ELFN2: variants seen among roughly 807,000 people sequenced by gnomAD.
ELFN2 encodes the protein extracellular leucine rich repeat and fibronectin type III domain containing 2, also known as protein phosphatase 1 regulatory subunit 29.
In ELFN2, 17 loss-of-function variants were observed where a neutral mutation model predicts 45.5. The observed-to-expected ratio is 0.37, with a 90% CI of 0.26 to 0.56. ELFN2 has a LOEUF of 0.56. Ranked by LOEUF, ELFN2 falls within the 20% of genes least tolerant of loss-of-function variation. The pLI is 0.77. For missense variants in ELFN2, 922 were observed against 1,183.2 expected (o/e 0.78, Z 3.24); for synonymous variants, 550 against 551.5 (o/e 1.00, Z 0.04).
At chr22:37,359,851 C>G (rs569938283) in intron 1 of ELFN2, among the ~76,000 whole-genome samples, 1 of 152,320 alleles carries the variant, frequency 6.6e-6, no homozygotes, top group East Asian at 1.9e-4. Flanking sequence ...TGTGATTGCC[C>G]CTGCAGAGCA....
chr22:37,358,607 G>A (rs1432902157), intron 1 of ELFN2, among the ~76,000 whole-genome samples: 1 of 152,194 alleles, frequency 6.6e-6, no homozygotes, highest in Non-Finnish European at 1.5e-5. Flanking sequence ...TGGGTCCCGT[G>A]GCCATTCCTA....
In ELFN2 at chr22:37,384,982, C is replaced by T. The variant is rs1394125803; in HGVS notation, c.-462-8986G>A. Reference sequence around the variant, plus strand: ...TGTACCAGGCGCCGGCTAGGCCCGCCCTCCTGGCTCTGCCTCCTCCACCTG... The same window carrying T: ...TGTACCAGGCGCCGGCTAGGCCCGCTCTCCTGGCTCTGCCTCCTCCACCTG... On this transcript the variant is annotated intron_variant, in intron 2 of 2. Coordinates refer to ENST00000402918, the MANE Select transcript of ELFN2 (RefSeq NM_052906.5). 2.0e-5 allele frequency: 3 copies of T among 152,436 alleles called. No homozygotes were observed. In the East Asian group the frequency reaches 5.8e-4, roughly 30 times the overall value. The allele number at this position is 152,436 out of a possible 1,614,324, so 9.4% of individuals were successfully genotyped here. A position where few individuals can be genotyped will look rare whatever the true frequency, so the allele number is the denominator to read the frequency against.
chr22:37,395,052 C>T (rs1040674858), intron 2 of ELFN2, among the ~76,000 whole-genome samples: 28 of 151,804 alleles, frequency 1.8e-4, no homozygotes, highest in African/African-American at 6.5e-4. Flanking sequence ...TTGCAGTGGG[C>T]CAAGATCACG....
rs133723 is a variant in ELFN2 at position 37,425,870 on chromosome 22, TACAC to T, written c.-614+1424_-614+1427del. On this transcript the variant is annotated intron_variant, in intron 1 of 2. Transcript: ENST00000402918. ...GGGGTGTCAGCCATGCACATACACA[TACAC>T]ACACACACACACACACACACACACT... Among the ~76,000 whole-genome samples, 647 of 145,778 alleles carry T rather than the reference TACAC, an allele frequency of 4.4e-3. 1 individual carries two copies. The highest frequency in any genetic ancestry group is 0.014 in the Middle Eastern group (4 of 284).
intron 1 of ELFN2, among the ~76,000 whole-genome samples, chr22:37,419,717 G>A (rs1027475621): frequency 2.6e-5 from 4 of 152,070 alleles, no homozygotes; most frequent in South Asian, 2.1e-4. Flanking sequence ...AACCACTCCC[G>A]GACACACGTG....
chr22:37,377,836 C>A (rs1373125858), intron 2 of ELFN2, among the ~76,000 whole-genome samples: 1 of 152,208 alleles, frequency 6.6e-6, no homozygotes, highest in Non-Finnish European at 1.5e-5. Context: ...ATGCAAAGGT[C>A]TCAGGGCTGC....
chr22:37,394,336 C>T lies in ELFN2; in HGVS notation c.-462-18340G>A, dbSNP rs549233422. ...GGTCCTCCCCTCCCTCTGCTCGGCT[C>T]GGGTGCTGTCTTTTATGGACTCACC... On this transcript the variant is annotated intron_variant, in intron 2 of 2. Coordinates refer to ENST00000402918, the MANE Select transcript of ELFN2 (RefSeq NM_052906.5). Among the ~76,000 whole-genome samples the T allele has an allele frequency of 1.8e-4, 27 of 152,322 alleles. No individual in the cohort carries two copies. In the East Asian group the frequency reaches 5.0e-3, roughly 28 times the overall value.
At chr22:37,388,935 G>C (rs189255725) in intron 2 of ELFN2, among the ~76,000 whole-genome samples, 5 of 152,196 alleles carry the variant, frequency 3.3e-5, no homozygotes, top group African/African-American at 1.2e-4. Context: ...GGGGCTTCGT[G>C]GGGGGCGTCC....
At chr22:37,400,307 C>A (rs896403076) in intron 2 of ELFN2, among the ~76,000 whole-genome samples, 1 of 152,124 alleles carries the variant, frequency 6.6e-6, no homozygotes, top group African/African-American at 2.4e-5. Flanking sequence ...GAGAGCTGCC[C>A]CCACTGACAC....
Position 37,373,898 on chromosome 22 carries a change from T to C in ELFN2, c.1637A>G (p.Gln546Arg), listed in dbSNP as rs771706672. The C allele has an allele frequency of 2.5e-6, 4 of 1,613,308 alleles. No homozygotes were observed. In the East Asian group the frequency reaches 8.9e-5, roughly 36 times the overall value. Residue 546 changes from glutamine to arginine, a missense_variant, in exon 3 of 3, where the codon CAG (glutamine) becomes CGG (arginine). Coordinates refer to ENST00000402918, the MANE Select transcript of ELFN2 (RefSeq NM_052906.5). ...TIAKEVDKVN[Q>R]IINNCIDALK... is the part of the protein sequence containing the mutation. ...AGCATCGATGCAGTTGTTAATGATC[T>C]GGTTGACCTTGTCCACCTCCTTGGC...
chr22:37,341,482 G>A (rs1930558794), intron 2 of ELFN2, among the ~76,000 whole-genome samples: 2 of 152,212 alleles, frequency 1.3e-5, no homozygotes, highest in Non-Finnish European at 2.9e-5. Context: ...TAAAGCACTG[G>A]GTCCTTGTCC....
At chr22:37,422,596 T>C (rs190473559) in intron 1 of ELFN2, among the ~76,000 whole-genome samples, 115 of 151,940 alleles carry the variant, frequency 7.6e-4, no homozygotes, top group African/African-American at 2.6e-3. Context: ...TCCCAGCTAC[T>C]GGGGAAGTTT....
intron 1 of ELFN2, among the ~76,000 whole-genome samples, chr22:37,423,467 G>A (rs1036566814): frequency 4.6e-5 from 7 of 152,206 alleles, no homozygotes; most frequent in African/African-American, 1.7e-4. Context: ...GTGCTGATGT[G>A]AGAGTTTCCC....
intron 1 of ELFN2, among the ~76,000 whole-genome samples, chr22:37,422,953 G>GC: frequency 6.7e-6 from 1 of 149,214 alleles, no homozygotes; most frequent in African/African-American, 2.5e-5. Context: ...CGGGGGGGGG[G>GC]GGGGAAGTGA....
downstream of ELFN2, among the ~76,000 whole-genome samples, chr22:37,365,234 G>A (rs1267167204): frequency 6.6e-6 from 1 of 152,202 alleles, no homozygotes; most frequent in East Asian, 1.9e-4. Flanking sequence ...CAGCCACAAG[G>A]GCTCATTTTA....
intron 2 of ELFN2, among the ~76,000 whole-genome samples, chr22:37,412,309 G>A (rs6000726): frequency 0.2 from 30,039 of 148,108 alleles, 6,276 homozygotes; most frequent in African/African-American, 0.54. Flanking sequence ...AGAAAGAAAA[G>A]GAAAAAAGAA....
At chr22:37,357,061 G>A (rs909654449) in intron 1 of ELFN2, among the ~76,000 whole-genome samples, 9 of 152,136 alleles carry the variant, frequency 5.9e-5, no homozygotes, top group East Asian at 1.9e-4. Flanking sequence ...TTTTGGTCAC[G>A]CAGACCCCTC....
chr22:37,375,079 G>A lies in ELFN2; in HGVS notation c.456C>T (p.Ser152=), dbSNP rs1267763236. The A allele has an allele frequency of 2.5e-6, 4 of 1,613,538 alleles. No homozygotes were observed. The highest frequency in any genetic ancestry group is 3.4e-6 in the Non-Finnish European group (4 of 1,180,016). Residue 152 remains serine, a synonymous_variant, in exon 3 of 3, where the codon AGC becomes AGT. Coordinates refer to ENST00000402918, the MANE Select transcript of ELFN2 (RefSeq NM_052906.5). The stretch of plus-strand genomic sequence containing the variant: ...TGGAGGACAGGTCGATGCTGATGAG[G>A]CTCGGGCACTCGGAGAAGGCGGTGG... ...VTPTAFSECP[S]LISIDLSSNR...
At chr22:37,377,332 C>G (rs1235231337) in intron 2 of ELFN2, among the ~76,000 whole-genome samples, 1 of 152,238 alleles carries the variant, frequency 6.6e-6, no homozygotes, top group Non-Finnish European at 1.5e-5. Flanking sequence ...CCAGTTCTCC[C>G]TCCCTCTGCC....
Sources: allele counts gnomAD v4.1 joint callset (sites outside exome capture counted in the v4.1 genomes callset), GRCh38; gene constraint gnomAD v4.1.1; transcripts MANE v1.5; gene names NCBI Gene and HGNC (gene_info 2026-07-23, HGNC 2026-07-21).